Variants in ELAPOR1 observed in about 807,000 individuals in gnomAD.
ELAPOR1 encodes endosome-lysosome associated apoptosis and autophagy regulator 1.
In ELAPOR1, 77 loss-of-function variants were observed where a neutral mutation model predicts 119.7. The ratio of observed to expected loss-of-function variants is 0.64; its 90% CI spans 0.54 to 0.78. The LOEUF (loss-of-function observed/expected upper bound fraction) is 0.78, where lower values mean the gene tolerates loss of function less well. ELAPOR1 is among the 30% of genes least tolerant of loss of function. The pLI is 0.00. For missense variants in ELAPOR1, 1,115 were observed against 1,270.4 expected (o/e 0.88, Z 1.86); for synonymous variants, 481 against 487.2 (o/e 0.99, Z 0.17).
At chr1:109,189,318 T>G in intron 10 of ELAPOR1, 124 bp downstream of exon 10, 1 of 1,240,814 alleles carries the variant, frequency 8.1e-7, no homozygotes, top group Non-Finnish European at 1.1e-6. Flanking sequence ...TGCATTCCCT[T>G]GAAAGTTCCA....
chr1:109,137,738 T>A (rs917445757), intron 1 of ELAPOR1, among the ~76,000 whole-genome samples: 2 of 143,644 alleles, frequency 1.4e-5, no homozygotes, highest in Admixed American at 7.0e-5. Flanking sequence ...ATGTTGGTCA[T>A]GCTGATCTCA....
At position 109,185,069 on chromosome 1, in the gene ELAPOR1, T is replaced by C. The variant is rs1342378208; in HGVS notation, c.977T>C (p.Val326Ala). ...GAGAAAGGATCTTCTTCCTGTAACG[T>C]GCGCCCAGCTTGCACAGACAAAGAT... ...YSEKGSSSCN[V>A]RPACTDKDYF... The change falls in exon 8 of 22, where the codon GTG (valine) becomes GCG (alanine). Residue 326 changes from valine (V) to alanine (A), a missense_variant. Coordinates refer to ENST00000369939, the MANE Select transcript of ELAPOR1 (RefSeq NM_020775.5). 1.2e-6 allele frequency: 2 copies of C among 1,614,176 alleles called. No homozygotes were observed. Among genetic ancestry groups the C allele is most frequent in the South Asian group, 2.2e-5 (2 of 91,084 alleles).
At chr1:109,186,357 G>A (rs1257242329) in intron 8 of ELAPOR1, among the ~76,000 whole-genome samples, 1 of 152,164 alleles carries the variant, frequency 6.6e-6, no homozygotes, top group East Asian at 1.9e-4. Context: ...TTCTCAAGAG[G>A]ATAGAACTAG....
In ELAPOR1 at chr1:109,199,969, G is replaced by T. The variant is rs751310326; in HGVS notation, c.2617G>T (p.Ala873Ser). The T allele has an allele frequency of 1.2e-6, 2 of 1,614,140 alleles. No individual in the cohort carries two copies. The highest frequency in any genetic ancestry group is 1.1e-5 in the South Asian group (1 of 91,080). The change falls in exon 19 of 22, where the codon GCT (alanine) becomes TCT (serine). Residue 873 changes from alanine (A) to serine (S), a missense_variant. Ala to Ser is a moderately conservative substitution (Grantham distance 99). Coordinates refer to ENST00000369939, the MANE Select transcript of ELAPOR1 (RefSeq NM_020775.5). The part of the protein sequence containing the change: ...DYHAIVSSCV[A>S]GIQKTTYVWR... Reference sequence around the variant, plus strand: ...CCATGCTATCGTCAGCAGCTGTGTGGCTGGGATCCAGGTGGGTTTCCCTCT... The same window carrying T: ...CCATGCTATCGTCAGCAGCTGTGTGTCTGGGATCCAGGTGGGTTTCCCTCT...
intron 18 of ELAPOR1, among the ~76,000 whole-genome samples, chr1:109,198,927 T>A (rs1390780162): frequency 6.6e-6 from 1 of 152,214 alleles, no homozygotes; most frequent in African/African-American, 2.4e-5. Context: ...AACCAACAGC[T>A]CGGCTGAGAG....
chr1:109,187,018 C>G, intron 8 of ELAPOR1: 1 of 985,588 alleles, frequency 1.0e-6, no homozygotes, highest in Non-Finnish European at 1.2e-6. Flanking sequence ...CTGTTCCTTG[C>G]AGACTTCTGC....
At chr1:109,161,420 A>G (rs1453282171) in intron 1 of ELAPOR1, among the ~76,000 whole-genome samples, 1 of 149,568 alleles carries the variant, frequency 6.7e-6, no homozygotes, top group African/African-American at 2.5e-5. Context: ...AAAAAAAAAA[A>G]AAAAAAAAAA....
At chr1:109,183,931 G>T (rs1454915033) in intron 7 of ELAPOR1, among the ~76,000 whole-genome samples, 1 of 151,964 alleles carries the variant, frequency 6.6e-6, no homozygotes, top group African/African-American at 2.4e-5. Context: ...TAAATCAAGA[G>T]TTAAAGATAG....
intron 7 of ELAPOR1, among the ~76,000 whole-genome samples, chr1:109,175,298 G>A (rs1652202079): frequency 6.6e-6 from 1 of 151,634 alleles, no homozygotes; most frequent in South Asian, 2.1e-4. Context: ...TGCCTCCCGG[G>A]TTCAAGCAAT....
At chr1:109,140,174 T>G (rs1292584806) in intron 1 of ELAPOR1, among the ~76,000 whole-genome samples, 1 of 152,218 alleles carries the variant, frequency 6.6e-6, no homozygotes. Flanking sequence ...TCTTGTAGAC[T>G]ACTATGTGAA....
chr1:109,188,005 T>C (rs1490730629), intron 8 of ELAPOR1, 172 bp from the exon 9 acceptor site: 11 of 1,372,202 alleles, frequency 8.0e-6, no homozygotes, highest in African/African-American at 1.4e-5. Context: ...ACTCAGGCAC[T>C]GGGCTAGGTG....
intron 1 of ELAPOR1, among the ~76,000 whole-genome samples, chr1:109,143,472 G>T (rs1384877050): frequency 6.6e-6 from 1 of 152,142 alleles, no homozygotes; most frequent in Admixed American, 6.6e-5. Flanking sequence ...AATGGGAAGT[G>T]ACTGCTGATG....
At chr1:109,169,834 C>A (rs1223124659) in intron 3 of ELAPOR1, among the ~76,000 whole-genome samples, 1 of 152,152 alleles carries the variant, frequency 6.6e-6, no homozygotes, top group Non-Finnish European at 1.5e-5. Flanking sequence ...ATGGGAGGCT[C>A]ACATACAGTT....
chr1:109,139,885 C>A (rs977796293), intron 1 of ELAPOR1, among the ~76,000 whole-genome samples: 2 of 152,064 alleles, frequency 1.3e-5, no homozygotes, highest in African/African-American at 2.4e-5. Flanking sequence ...CATACTCCCA[C>A]CTTACCCTCC....
At chr1:109,184,894 AG>A (rs1652952719) in intron 7 of ELAPOR1, 150 bp from the exon 8 acceptor site, 1 of 676,740 alleles carries the variant, frequency 1.5e-6, no homozygotes, top group Non-Finnish European at 2.7e-6. Flanking sequence ...TATTGAGACA[AG>A]GGGAAGGGTG....
At chr1:109,191,563 C>G (rs1240598066) in intron 12 of ELAPOR1, 92 bp downstream of exon 12, 34 of 1,374,972 alleles carry the variant, frequency 2.5e-5, no homozygotes, top group Non-Finnish European at 3.5e-5. Flanking sequence ...TGACACCCCC[C>G]CTTGTAGTGA....
intron 18 of ELAPOR1, among the ~76,000 whole-genome samples, chr1:109,199,053 A>G (rs1040594686): frequency 2.0e-5 from 3 of 152,134 alleles, no homozygotes; most frequent in African/African-American, 7.2e-5. Context: ...AAATTCCCTC[A>G]GCGGGTTGTT....
rs1456428297 is a variant in ELAPOR1, at chr1:109,161,925, A to G, written c.185A>G (p.Asp62Gly). The change falls in exon 2 of 22, where the codon GAC becomes GGC. Residue 62 changes from aspartate to glycine, a missense_variant. Coordinates refer to ENST00000369939, the MANE Select transcript of ELAPOR1 (RefSeq NM_020775.5). ...TACCACTATGAGTACACGGCGTGTG[A>G]CAGCACGGGTTCCAGGTGGAGGGTC... is the stretch of plus-strand genomic sequence containing the variant. ...SEYHYEYTAC[D>G]STGSRWRVAV... The G allele has an allele frequency of 5.6e-6, 9 of 1,613,860 alleles. No individual in the cohort carries two copies. In the Admixed American group the frequency reaches 1.3e-4, roughly 24 times the overall value.
At chr1:109,200,671 C>T in intron 20 of ELAPOR1, 64 bp from the exon 21 acceptor site, 1 of 1,517,030 alleles carries the variant, frequency 6.6e-7, no homozygotes, top group Non-Finnish European at 9.1e-7. Flanking sequence ...CCTAACCTCT[C>T]TACCTCTTTC....
Sources: allele counts gnomAD v4.1 joint callset (sites outside exome capture counted in the v4.1 genomes callset), GRCh38; gene constraint gnomAD v4.1.1; transcripts MANE v1.5; gene names NCBI Gene and HGNC (gene_info 2026-07-23, HGNC 2026-07-21).